Variants in ADGRB1 observed in about 807,000 individuals in gnomAD.
ADGRB1 encodes adhesion G protein-coupled receptor B1.
In ADGRB1, 36 loss-of-function variants were observed where a neutral mutation model predicts 175.7. That is an observed-to-expected ratio of 0.20 (90% CI 0.16 to 0.27). The LOEUF (loss-of-function observed/expected upper bound fraction) is 0.27, where lower values mean the gene tolerates loss of function less well. Among genes scored for constraint, ADGRB1 ranks in the 10% least tolerant of loss-of-function variants. The pLI is 1.00. For synonymous variants in ADGRB1, 1,054 were observed against 979.4 expected, an observed-to-expected ratio of 1.08 and a Z score of -1.42; for missense variants, 1,731 against 2,255.3, an observed-to-expected ratio of 0.77 and a Z score of 4.71.
intron 2 of ADGRB1, among the ~76,000 whole-genome samples, chr8:142,467,067 A>G (rs1317787562): frequency 6.6e-6 from 1 of 152,180 alleles, no homozygotes; most frequent in East Asian, 1.9e-4. Context: ...GGCGGGACAG[A>G]CGCATGTGAC....
At chr8:142,505,703 A>G (rs1398591970) in intron 17 of ADGRB1, among the ~76,000 whole-genome samples, 2 of 152,124 alleles carry the variant, frequency 1.3e-5, no homozygotes, top group Non-Finnish European at 2.9e-5. Flanking sequence ...TGAAGAGGGA[A>G]CCGCTGGAGG....
chr8:142,481,156 C>T, intron 9 of ADGRB1, 98 bp from the exon 10 acceptor site: 1 of 1,130,590 alleles, frequency 8.8e-7, no homozygotes, highest in Non-Finnish European at 1.3e-6. Flanking sequence ...TTCTGGGGGC[C>T]ACAGGGTCCC....
At position 142,516,664 on chromosome 8, in the gene ADGRB1, G is replaced by T. The variant is rs1233974349; in HGVS notation, c.2818-1474G>T. On this transcript the variant is annotated intron_variant, in intron 18 of 30. Coordinates refer to ENST00000517894, the MANE Select transcript of ADGRB1 (RefSeq NM_001702.3). ...CCAGGTGTGTGTGTGTGTGTGTGTG[G>T]GTCCCAGGTGCATGCCTGTGTGCGG... Among the ~76,000 whole-genome samples, 265 of 108,896 alleles carry T rather than the reference G, an allele frequency of 2.4e-3. 1 individual carries two copies. Among genetic ancestry groups the T allele is most frequent in the African/African-American group, 0.01 (250 of 24,502 alleles). 71.4% of individuals were successfully genotyped at this position (108,896 alleles called of 152,430 possible). A position where few individuals can be genotyped will look rare whatever the true frequency, so the allele number is the denominator to read the frequency against.
At position 142,464,740 on chromosome 8, in the gene ADGRB1, C is replaced by G; in HGVS notation, c.542C>G (p.Pro181Arg). ...TACCTGGTGGTGGGGAACCGCAACC[C>G]CAGCCGTGCCGCCTGCCAGATGCTG... is the stretch of plus-strand genomic sequence containing the variant. Reference protein sequence around the residue: ...VEYLVVGNRNPSRAACQMLCR... With the variant: ...VEYLVVGNRNRSRAACQMLCR... The change falls in exon 2 of 31, where the codon CCC becomes CGC. Residue 181 changes from proline to arginine, a missense_variant. Physicochemically the swap from Pro to Arg is moderately radical, Grantham distance 103. Around this residue, in one of 8 missense-constraint regions of ADGRB1, gnomAD observed 383 missense variants for 383.1 expected, o/e 1.00. Transcript: ENST00000517894. The G allele has an allele frequency of 6.5e-7, 1 of 1,534,334 alleles. No homozygotes were observed. The highest frequency in any genetic ancestry group is 8.7e-7 in the Non-Finnish European group (1 of 1,145,642).
intron 26 of ADGRB1, among the ~76,000 whole-genome samples, chr8:142,538,478 C>T (rs961694867): frequency 5.9e-5 from 9 of 152,208 alleles, no homozygotes; most frequent in Admixed American, 2.0e-4. Flanking sequence ...GACACAGCTT[C>T]CCCCTCCCCC....
chr8:142,458,202 C>T (rs1231260772), intron 1 of ADGRB1, among the ~76,000 whole-genome samples: 1 of 152,164 alleles, frequency 6.6e-6, no homozygotes, highest in African/African-American at 2.4e-5. Flanking sequence ...CATGGGGTGC[C>T]GAGCCTCATG....
At chr8:142,509,098 C>A (rs924571709) in intron 17 of ADGRB1, among the ~76,000 whole-genome samples, 1 of 152,222 alleles carries the variant, frequency 6.6e-6, no homozygotes, top group African/African-American at 2.4e-5. Context: ...CGCCAGCCAG[C>A]GGCTCACAGC....
chr8:142,492,057 C>T lies in ADGRB1; in HGVS notation c.2675+1242C>T, dbSNP rs1310391185. Among the ~76,000 whole-genome samples, 3 of 151,928 alleles carry T rather than the reference C, an allele frequency of 2.0e-5. No individual in the cohort carries two copies. In the East Asian group the frequency reaches 5.8e-4, roughly 29 times the overall value. On this transcript the variant is annotated intron_variant, in intron 17 of 30. Coordinates refer to ENST00000517894, the MANE Select transcript of ADGRB1 (RefSeq NM_001702.3). This position sits in a 1 kb window ranked among gnomAD's most constrained non-coding sequence, Gnocchi z 4.4. ...AGTGGGGGCTGGGTGTCATGACTCT[C>T]CACCTACCCACCACCCATCCACCCT... is the stretch of plus-strand genomic sequence containing the variant.
chr8:142,473,676 C>T (rs879296331), intron 2 of ADGRB1, among the ~76,000 whole-genome samples: 11 of 152,242 alleles, frequency 7.2e-5, no homozygotes, highest in Admixed American at 7.2e-4. Flanking sequence ...GCCAGGTGCT[C>T]TCCTCTCTGG....
chr8:142,538,669 C>A (rs1845080050), intron 26 of ADGRB1, among the ~76,000 whole-genome samples: 2 of 152,216 alleles, frequency 1.3e-5, no homozygotes, highest in South Asian at 2.1e-4. Context: ...CCTGAGCTCC[C>A]TGAGGGCGGG....
At chr8:142,454,213 A>C (rs1839525467) in intron 1 of ADGRB1, among the ~76,000 whole-genome samples, 1 of 152,156 alleles carries the variant, frequency 6.6e-6, no homozygotes, top group Admixed American at 6.5e-5. Context: ...GCTGCACTGC[A>C]CAAGACGCAG....
chr8:142,544,459 T>TG lies in ADGRB1; in HGVS notation c.*43dup. 2 of 1,429,622 alleles carry TG rather than the reference T, an allele frequency of 1.4e-6. No homozygotes were observed. The highest frequency in any genetic ancestry group is 1.8e-6 in the Non-Finnish European group (2 of 1,092,756). 88.6% of individuals were successfully genotyped at this position (1,429,622 alleles called of 1,614,324 possible). A position where few individuals can be genotyped will look rare whatever the true frequency, so the allele number is the denominator to read the frequency against. On this transcript the variant is annotated 3_prime_UTR_variant, in exon 31 of 31. Transcript: ENST00000517894. ...CACGCACTGGGCCACGGAGGAGGGA[T>TG]GCTGCTCCGCCCGCTCCTGCCGCAG... is the stretch of plus-strand genomic sequence containing the variant.
At position 142,464,717 on chromosome 8, in the gene ADGRB1, C is replaced by T; in HGVS notation, c.519C>T (p.Tyr173=). ...PGPTDDFSVE[Y]LVVGNRNPSR... ...CCACCGACGACTTCTCCGTGGAGTA[C>T]CTGGTGGTGGGGAACCGCAACCCCA... is the stretch of plus-strand genomic sequence containing the variant. Residue 173 remains tyrosine, a synonymous_variant, in exon 2 of 31, where the codon TAC becomes TAT. Transcript: ENST00000517894. The T allele has an allele frequency of 3.9e-6, 6 of 1,533,606 alleles. No homozygotes were observed. Among genetic ancestry groups the T allele is most frequent in the South Asian group, 3.6e-5 (3 of 83,906 alleles). 95.0% of individuals were successfully genotyped at this position (1,533,606 alleles called of 1,614,324 possible).
chr8:142,469,485 GTA>G (rs1840497357), intron 2 of ADGRB1, among the ~76,000 whole-genome samples: 1 of 149,732 alleles, frequency 6.7e-6, no homozygotes, highest in Non-Finnish European at 1.5e-5. Flanking sequence ...GTGTGAGTGT[GTA>G]TGCACGTGCA....
In ADGRB1 at chr8:142,544,368, C is replaced by T. The variant is rs1300056686; in HGVS notation, c.4706C>T (p.Thr1569Met). The part of the protein sequence containing the change: ...RSVEWERSGA[T>M]IPLVGQDIID... The stretch of plus-strand genomic sequence containing the variant: ...GTGGAGTGGGAGAGGTCGGGCGCCA[C>T]GATCCCGCTGGTGGGCCAGGACATC... The change falls in exon 31 of 31, where the codon ACG becomes ATG. Residue 1569 changes from threonine to methionine, a missense_variant. By Grantham distance (81) the Thr-to-Met change is moderately conservative (BLOSUM62 -1). This residue lies in a region of ADGRB1 where 394 missense variants were observed against 410.2 expected (regional missense o/e 0.96). Coordinates refer to ENST00000517894, the MANE Select transcript of ADGRB1 (RefSeq NM_001702.3). 3 of 1,533,670 alleles carry T rather than the reference C, an allele frequency of 2.0e-6. No homozygotes were observed. The highest frequency in any genetic ancestry group is 1.4e-5 in the African/African-American group (1 of 72,404).
chr8:142,526,337 A>G (rs571083344), intron 23 of ADGRB1, among the ~76,000 whole-genome samples: 46 of 152,314 alleles, frequency 3.0e-4, no homozygotes, highest in African/African-American at 9.9e-4. Context: ...TGACACACAG[A>G]GAGGGCCCTG....
In ADGRB1 at chr8:142,533,412, C is replaced by G. The variant is rs745665205; in HGVS notation, c.3516C>G (p.Phe1172Leu). The G allele has an allele frequency of 6.2e-7, 1 of 1,612,620 alleles. No homozygotes were observed. The change falls in exon 25 of 31, where the codon TTC (phenylalanine) becomes TTG (leucine). Residue 1172 changes from phenylalanine (F) to leucine (L), a missense_variant. Phe to Leu is a conservative substitution (Grantham distance 22). Coordinates refer to ENST00000517894, the MANE Select transcript of ADGRB1 (RefSeq NM_001702.3). The part of the protein sequence containing the change: ...SALFQILFAV[F>L]DSLEGFVIVM... The stretch of plus-strand genomic sequence containing the variant: ...TCTTCCAGATCCTCTTCGCTGTCTT[C>G]GACTCGCTGGAGGGCTTCGTCATCG...
intron 18 of ADGRB1, among the ~76,000 whole-genome samples, chr8:142,515,364 C>G (rs754163456): frequency 2.0e-5 from 3 of 152,244 alleles, no homozygotes; most frequent in Non-Finnish European, 4.4e-5. Context: ...CCCATCCCTT[C>G]TTCATCGCCT....
chr8:142,512,448 C>T (rs990763413), intron 18 of ADGRB1, among the ~76,000 whole-genome samples: 1 of 152,200 alleles, frequency 6.6e-6, no homozygotes, highest in African/African-American at 2.4e-5. Flanking sequence ...GGCCCAGCCT[C>T]CAGTCTCCGG....
Sources: gnomAD v4.1 joint callset for allele counts (sites outside exome capture counted in the v4.1 genomes callset) on GRCh38, gnomAD v4.1.1 for gene constraint, gnomAD v4.1.1 regional missense constraint, Gnocchi (gnomAD v3.1) non-coding constraint, MANE v1.5 for transcripts, NCBI Gene and HGNC (gene_info 2026-07-23, HGNC 2026-07-21) for gene names.